The following COL18A1 variants were observed in gnomAD, a reference collection of about 807,000 sequenced individuals.
COL18A1 encodes collagen alpha-1(XVIII) chain.
In COL18A1, 133 loss-of-function variants were observed where a neutral mutation model predicts 168.0. That is an observed-to-expected ratio of 0.79 (90% CI 0.69 to 0.91). The LOEUF is 0.91. Among genes scored for constraint, COL18A1 ranks in the 40% least tolerant of loss-of-function variants. The pLI is 0.00. For missense variants in COL18A1, 2,126 were observed against 1,925.4 expected (o/e 1.10, Z -1.95); for synonymous variants, 949 against 809.0 (o/e 1.17, Z -2.94).
chr21:45,412,012 G>A (rs558121873), intron 2 of COL18A1, among the ~76,000 whole-genome samples: 192 of 152,210 alleles, frequency 1.3e-3, no homozygotes, highest in African/African-American at 4.2e-3. Flanking sequence ...GGAACGTGGC[G>A]TTCACCGTGT....
In COL18A1 at chr21:45,493,214, C is replaced by A; in HGVS notation, c.2266C>A (p.Pro756Thr). The A allele has an allele frequency of 6.4e-7, 1 of 1,560,042 alleles. No individual in the cohort carries two copies. Among genetic ancestry groups the A allele is most frequent in the East Asian group, 2.4e-5 (1 of 41,760 alleles). The change falls in exon 25 of 42, where the codon CCG becomes ACG. Residue 756 changes from proline (P) to threonine (T), a missense_variant. Physicochemically the swap from Pro to Thr is conservative, Grantham distance 38 (BLOSUM62 -1). Transcript: ENST00000651438. ...NLGSKGERGS[P>T]GPKGEKGEPG... Reference sequence around the variant, plus strand: ...GGGCTCTAAGGGCGAACGAGGCTCCCCGGGACCCAAGGTAAGGGGCTCAGG... The same window carrying A: ...GGGCTCTAAGGGCGAACGAGGCTCCACGGGACCCAAGGTAAGGGGCTCAGG...
intron 24 of COL18A1, 91 bp downstream of exon 24, chr21:45,492,804 G>T: frequency 1.0e-6 from 1 of 967,968 alleles, no homozygotes; most frequent in Non-Finnish European, 1.6e-6. Flanking sequence ...GCTGGGGTGG[G>T]CCTTGTCAGG....
At chr21:45,497,256 G>A (rs576682234) in intron 31 of COL18A1, among the ~76,000 whole-genome samples, 164 bp downstream of exon 31, 6 of 151,596 alleles carry the variant, frequency 4.0e-5, no homozygotes, top group South Asian at 2.1e-4. Context: ...CCCTTCCTGC[G>A]GGCCCTCCCA....
At chr21:45,459,802 G>A (rs2034981573) in intron 2 of COL18A1, among the ~76,000 whole-genome samples, 1 of 152,138 alleles carries the variant, frequency 6.6e-6, no homozygotes, top group African/African-American at 2.4e-5. Flanking sequence ...GGGCTGCCCG[G>A]GACACTGCCT....
chr21:45,489,359 C>T, intron 18 of COL18A1, 127 bp from the exon 19 acceptor site: 1 of 788,906 alleles, frequency 1.3e-6, no homozygotes, highest in Non-Finnish European at 2.2e-6. Flanking sequence ...GACCCCTCGG[C>T]TCTGGGCTGG....
chr21:45,476,123 C>T lies in COL18A1; in HGVS notation c.799-228C>T, dbSNP rs1189264478. Among the ~76,000 whole-genome samples the T allele has an allele frequency of 3.3e-5, 5 of 150,778 alleles. No individual in the cohort carries two copies. The East Asian group carries it at 9.8e-4, about 30-fold the overall frequency. Reference sequence around the variant, plus strand: ...GGGCGCCGGGAGGCCTCTGTGGTGACGGCAGGCGCGGTCCTGGGTCCTGGG... The same window carrying T: ...GGGCGCCGGGAGGCCTCTGTGGTGATGGCAGGCGCGGTCCTGGGTCCTGGG... On this transcript the variant is annotated intron_variant, in intron 5 of 41. Coordinates refer to ENST00000651438, the MANE Select transcript of COL18A1 (RefSeq NM_001379500.1).
intron 15 of COL18A1, among the ~76,000 whole-genome samples, chr21:45,483,721 A>G (rs2035976990): frequency 6.6e-6 from 1 of 152,218 alleles, no homozygotes; most frequent in African/African-American, 2.4e-5. Context: ...TTTCCCCAGA[A>G]CATGGCCAAG....
In COL18A1 at chr21:45,477,466, C is replaced by A. The variant is rs563744859; in HGVS notation, c.984C>A (p.Thr328=). The stretch of plus-strand genomic sequence containing the variant: ...CCACGTGGGACGGGAGTGTCCGGAC[C>A]CCTGGGGGCCGCGTGAAAGAGGTAA... ...SVSTWDGSVR[T]PGGRVKEGGL... Residue 328 remains threonine, a synonymous_variant, in exon 7 of 42, where the codon ACC becomes ACA. Coordinates refer to ENST00000651438, the MANE Select transcript of COL18A1 (RefSeq NM_001379500.1). The A allele has an allele frequency of 1.6e-4, 258 of 1,612,076 alleles. 3 individuals are homozygous for A. The South Asian group carries it at 2.7e-3, about 17-fold the overall frequency.
chr21:45,511,079 C>A lies in COL18A1; in HGVS notation c.3694-32C>A, dbSNP rs55690336. 0.41 allele frequency: 417,254 copies of A among 1,029,156 alleles called. 90,118 individuals are homozygous for A. The highest frequency in any genetic ancestry group is 0.58 in the East Asian group (21,191 of 36,624). 63.8% of individuals were successfully genotyped at this position (1,029,156 alleles called of 1,614,324 possible). ...CCACACCCATCCACACCCCCACACA[C>A]CACACACACATACACACGGTTTCTC... On this transcript the variant is annotated intron_variant, in intron 40 of 41. Transcript: ENST00000651438.
At chr21:45,447,090 T>G (rs1238689706) in intron 2 of COL18A1, among the ~76,000 whole-genome samples, 2 of 152,098 alleles carry the variant, frequency 1.3e-5, no homozygotes. Flanking sequence ...CGCCTTCTGT[T>G]TAACATTGTA....
intron 27 of COL18A1, 32 bp downstream of exon 27, chr21:45,494,603 G>T: frequency 6.2e-7 from 1 of 1,612,782 alleles, no homozygotes; most frequent in Middle Eastern, 1.7e-4. Flanking sequence ...TCTGCACTGA[G>T]CTCGGGCATG....
chr21:45,486,145 G>A (rs1047254323), intron 15 of COL18A1, among the ~76,000 whole-genome samples: 2 of 152,200 alleles, frequency 1.3e-5, no homozygotes, highest in Non-Finnish European at 2.9e-5. Flanking sequence ...CTCCGGGCTC[G>A]CCTGCTTCTC....
At chr21:45,494,638 C>G in intron 27 of COL18A1, 67 bp downstream of exon 27, 1 of 1,605,164 alleles carries the variant, frequency 6.2e-7, no homozygotes, top group Non-Finnish European at 8.5e-7. Context: ...CACGGTCGCC[C>G]GCGGCTGCTG....
At chr21:45,467,124 C>T (rs2035240288) in intron 2 of COL18A1, 1 of 624,414 alleles carries the variant, frequency 1.6e-6, no homozygotes, top group Non-Finnish European at 2.0e-6. Flanking sequence ...AAAGCCCGGG[C>T]TCTGCCTGGC....
At chr21:45,459,972 C>T (rs2034987167) in intron 2 of COL18A1, among the ~76,000 whole-genome samples, 1 of 151,534 alleles carries the variant, frequency 6.6e-6, no homozygotes, top group Non-Finnish European at 1.5e-5. Flanking sequence ...ACCCTGGCCC[C>T]TGGGACCGGA....
chr21:45,458,973 C>T (rs990039131), intron 2 of COL18A1, among the ~76,000 whole-genome samples: 5 of 152,190 alleles, frequency 3.3e-5, no homozygotes, highest in Non-Finnish European at 7.4e-5. Flanking sequence ...GCAGCTGGCC[C>T]GGTCGGTGGC....
chr21:45,469,565 T>TG (rs1289929437), intron 3 of COL18A1, among the ~76,000 whole-genome samples: 1 of 152,040 alleles, frequency 6.6e-6, no homozygotes, highest in Non-Finnish European at 1.5e-5. Context: ...TTCTTGGGGT[T>TG]GGGGGGGTGG....
chr21:45,459,611 G>A (rs1204695653), intron 2 of COL18A1, among the ~76,000 whole-genome samples: 1 of 152,238 alleles, frequency 6.6e-6, no homozygotes, highest in African/African-American at 2.4e-5. Flanking sequence ...CGCTCAAAGG[G>A]AGGGTGAACC....
intron 2 of COL18A1, among the ~76,000 whole-genome samples, chr21:45,447,947 C>A (rs2050814229): frequency 6.6e-6 from 1 of 152,124 alleles, no homozygotes; most frequent in Admixed American, 6.5e-5. Flanking sequence ...CTTCTGCCAG[C>A]CTCCTCGGAC....
Sources: gnomAD v4.1 joint callset for allele counts (sites outside exome capture counted in the v4.1 genomes callset) on GRCh38, gnomAD v4.1.1 for gene constraint, MANE v1.5 for transcripts, NCBI Gene and HGNC (gene_info 2026-07-23, HGNC 2026-07-21) for gene names.